HECW2: variants seen among roughly 807,000 people sequenced by gnomAD.
HECW2 encodes HECT, C2 and WW domain containing E3 ubiquitin protein ligase 2, also known as E3 ubiquitin-protein ligase HECW2.
Under a neutral mutation model 175.2 loss-of-function variants are expected in HECW2, and 61 were observed. The ratio of observed to expected loss-of-function variants is 0.35; its 90% confidence interval spans 0.28 to 0.43. HECW2 has a LOEUF of 0.43. Among genes scored for constraint, HECW2 ranks in the 20% least tolerant of loss-of-function variants. The pLI is 1.00. For synonymous variants in HECW2, 671 were observed against 731.0 expected (o/e 0.92, Z 1.32); for missense variants, 1,524 against 2,000.5 (o/e 0.76, Z 4.54).
chr2:196,493,333 ACTCCAGATTGGGCAACAGG>A (rs769835117), intron 1 of HECW2: 13 of 152,156 alleles, frequency 8.5e-5, no homozygotes, highest in Non-Finnish European at 1.3e-4. Flanking sequence ...GCACCATCGC[ACTCCAGATTGGGCAACAGG>A]CTCAGAGACC....
intron 1 of HECW2, among the ~76,000 whole-genome samples, chr2:196,590,263 G>A (rs938248612): frequency 1.3e-5 from 2 of 152,106 alleles, no homozygotes; most frequent in Admixed American, 1.3e-4. Flanking sequence ...AGGGCATCTC[G>A]TCACCTTTCT....
rs1218641986 is a variant in HECW2, at chr2:196,449,770, TG to T, written c.-35-16313del. On this transcript the variant is annotated intron_variant, in intron 1 of 28. Coordinates refer to ENST00000644978, the MANE Select transcript of HECW2 (RefSeq NM_001348768.2). Reference sequence around the variant, plus strand: ...ATCATTAAAATGCAAAAGTTTTAACTGGTTGTAATTAGGAAAAATCTTTTCA... The same window carrying T: ...ATCATTAAAATGCAAAAGTTTTAACTGTTGTAATTAGGAAAAATCTTTTCA... Among the ~76,000 whole-genome samples the T allele has an allele frequency of 1.1e-4, 17 of 152,222 alleles. 1 individual carries two copies. The highest frequency in any genetic ancestry group is 1.1e-3 in the Admixed American group (17 of 15,276).
chr2:196,258,387 T>G (rs966338226), intron 17 of HECW2, among the ~76,000 whole-genome samples: 2 of 152,188 alleles, frequency 1.3e-5, no homozygotes, highest in Non-Finnish European at 1.5e-5. Context: ...TATCTATGCA[T>G]TATATATTCA....
intron 4 of HECW2, among the ~76,000 whole-genome samples, chr2:196,330,609 A>AATCCCCACCCTCAATATGTG (rs1293403690): frequency 2.3e-4 from 35 of 152,248 alleles, no homozygotes; most frequent in Non-Finnish European, 4.0e-4. Context: ...GTTTAGAGTC[A>AATCCCCACCCTCAATATGTG]ATCCCCACCC....
intron 1 of HECW2, among the ~76,000 whole-genome samples, chr2:196,583,159 C>T (rs559128763): frequency 1.3e-5 from 2 of 152,342 alleles, no homozygotes; most frequent in South Asian, 2.1e-4. Context: ...CTCATGCCAA[C>T]AACTGCTTCT....
At chr2:196,549,997 G>A (rs1278161510) in intron 1 of HECW2, among the ~76,000 whole-genome samples, 1 of 152,198 alleles carries the variant, frequency 6.6e-6, no homozygotes, top group Non-Finnish European at 1.5e-5. Context: ...AAGCTTCACT[G>A]ATAAACACAG....
intron 1 of HECW2, among the ~76,000 whole-genome samples, chr2:196,573,263 A>AT (rs894120035): frequency 2.6e-5 from 4 of 152,086 alleles, no homozygotes; most frequent in Non-Finnish European, 5.9e-5. Flanking sequence ...AAAAAAAAAA[A>AT]ATGTCAAAAT....
chr2:196,224,109 TG>T (rs1687764842), intron 23 of HECW2, among the ~76,000 whole-genome samples: 1 of 152,054 alleles, frequency 6.6e-6, no homozygotes. Context: ...AGAGTAGAGA[TG>T]GGGAAGAGTA....
chr2:196,414,909 T>C (rs1695213125), intron 2 of HECW2, among the ~76,000 whole-genome samples: 1 of 152,164 alleles, frequency 6.6e-6, no homozygotes, highest in South Asian at 2.1e-4. Flanking sequence ...ATCAGTCCAC[T>C]GCAGACAGCA....
intron 19 of HECW2, chr2:196,242,730 C>T (rs1688505816): frequency 6.8e-6 from 1 of 147,810 alleles, no homozygotes; most frequent in Non-Finnish European, 1.5e-5. Context: ...TACTCTGTCA[C>T]CCAGCAGGCT....
At chr2:196,286,767 C>G (rs1690407051) in intron 14 of HECW2, among the ~76,000 whole-genome samples, 1 of 152,200 alleles carries the variant, frequency 6.6e-6, no homozygotes, top group African/African-American at 2.4e-5. Flanking sequence ...CAAGAGGTAT[C>G]AGTTGTTTCT....
intron 2 of HECW2, among the ~76,000 whole-genome samples, chr2:196,349,068 C>A (rs1041098181): frequency 6.6e-6 from 1 of 152,186 alleles, no homozygotes; most frequent in Non-Finnish European, 1.5e-5. Context: ...GTGGTGCCTG[C>A]GGCACCCTCT....
At chr2:196,370,355 T>C (rs1693872560) in intron 2 of HECW2, among the ~76,000 whole-genome samples, 1 of 152,144 alleles carries the variant, frequency 6.6e-6, no homozygotes, top group African/African-American at 2.4e-5. Context: ...CAAGACTCTG[T>C]CTGGTGTCGT....
intron 1 of HECW2, among the ~76,000 whole-genome samples, chr2:196,494,426 T>C (rs963475944): frequency 5.9e-5 from 9 of 152,166 alleles, no homozygotes; most frequent in Non-Finnish European, 1.3e-4. Flanking sequence ...GGGAAGATGA[T>C]ACAGATTCAA....
intron 17 of HECW2, among the ~76,000 whole-genome samples, chr2:196,268,968 C>T (rs577290109): frequency 6.6e-6 from 1 of 152,268 alleles, no homozygotes; most frequent in African/African-American, 2.4e-5. Flanking sequence ...CCATAATAAA[C>T]AAACATGCAA....
At chr2:196,245,804 A>G (rs1688623300) in intron 19 of HECW2, among the ~76,000 whole-genome samples, 1 of 152,188 alleles carries the variant, frequency 6.6e-6, no homozygotes, top group Non-Finnish European at 1.5e-5. Context: ...GACTTTAAAG[A>G]TCTGGGAAGC....
intron 19 of HECW2, among the ~76,000 whole-genome samples, chr2:196,245,062 G>A (rs1312744624): frequency 6.6e-6 from 1 of 152,096 alleles, no homozygotes; most frequent in Non-Finnish European, 1.5e-5. Flanking sequence ...AAGCCTGAGG[G>A]GATAAGGACT....
In HECW2 at chr2:196,278,598, C is replaced by G; in HGVS notation, c.3065G>C (p.Ser1022Thr). 1 of 1,614,100 alleles carries G rather than the reference C, an allele frequency of 6.2e-7. No individual in the cohort carries two copies. The highest frequency in any genetic ancestry group is 8.5e-7 in the Non-Finnish European group (1 of 1,180,002). ...AACCAGCGCACTTGTGGGTCTACTG[C>G]TCTGAAGTGGGAGCCGGGGATCAAT... is the stretch of plus-strand genomic sequence containing the variant. ...TFIDPRLPLQ[S>T]SRPTSALVHR... The change falls in exon 15 of 29, where the codon AGC (serine) becomes ACC (threonine). Residue 1022 changes from serine (S) to threonine (T), a missense_variant. Ser to Thr is a moderately conservative substitution (Grantham distance 58). Around this residue, in one of 11 missense-constraint regions of HECW2, gnomAD observed 291 missense variants for 412.2 expected, o/e 0.71. Coordinates refer to ENST00000644978, the MANE Select transcript of HECW2 (RefSeq NM_001348768.2).
At chr2:196,439,669 C>A (rs1383189743) in intron 1 of HECW2, among the ~76,000 whole-genome samples, 1 of 152,158 alleles carries the variant, frequency 6.6e-6, no homozygotes, top group Non-Finnish European at 1.5e-5. Flanking sequence ...ATTTAAGAAA[C>A]TTGGCCACAG....
Sources: allele counts gnomAD v4.1 joint callset (sites outside exome capture counted in the v4.1 genomes callset), GRCh38; gene constraint gnomAD v4.1.1; regional missense constraint gnomAD v4.1.1; transcripts MANE v1.5; gene names NCBI Gene and HGNC (gene_info 2026-07-23, HGNC 2026-07-21).